Variants in AUTS2 observed in about 807,000 individuals in gnomAD.
AUTS2 encodes autism susceptibility gene 2 protein.
Under a neutral mutation model 112.4 loss-of-function variants are expected in AUTS2, and 17 were observed. The ratio of observed to expected loss-of-function variants is 0.15; its 90% CI spans 0.10 to 0.23. The LOEUF is 0.23. AUTS2 is among the 10% of genes least tolerant of loss of function. The pLI is 1.00. For missense variants in AUTS2, 1,510 were observed against 1,701.6 expected (o/e 0.89, Z 1.98); for synonymous variants, 751 against 702.7 (o/e 1.07, Z -1.09).
intron 5 of AUTS2, among the ~76,000 whole-genome samples, chr7:70,451,847 A>G (rs1796547919): frequency 6.6e-6 from 1 of 152,118 alleles, no homozygotes; most frequent in Non-Finnish European, 1.5e-5. Context: ...CTGAGATCCT[A>G]TTGCTTTCCT....
intron 1 of AUTS2, among the ~76,000 whole-genome samples, chr7:69,750,472 T>TTAGTAGTAG (rs146638908): frequency 1.8e-4 from 27 of 148,032 alleles, no homozygotes; most frequent in African/African-American, 6.4e-4. Context: ...AAATACTATG[T>TTAGTAGTAG]TAGTAGTAGT....
intron 5 of AUTS2, among the ~76,000 whole-genome samples, chr7:70,678,573 C>G (rs1004790466): frequency 2.0e-5 from 3 of 152,210 alleles, no homozygotes; most frequent in African/African-American, 7.2e-5. Context: ...CTTTGAGAGA[C>G]AGGTACAGTA....
chr7:70,752,955 G>A (rs551282539), intron 6 of AUTS2, among the ~76,000 whole-genome samples: 3 of 152,280 alleles, frequency 2.0e-5, no homozygotes, highest in East Asian at 3.9e-4. Flanking sequence ...AGTCAAGATT[G>A]TGGTTGATAC....
At chr7:70,222,218 AAGAC>A (rs1362179033) in intron 4 of AUTS2, among the ~76,000 whole-genome samples, 9 of 152,220 alleles carry the variant, frequency 5.9e-5, no homozygotes, top group Non-Finnish European at 1.3e-4. Context: ...AGAGGAAACT[AAGAC>A]AGCGAATAAA....
intron 6 of AUTS2, among the ~76,000 whole-genome samples, chr7:70,716,261 C>A (rs1254945727): frequency 6.6e-6 from 1 of 152,190 alleles, no homozygotes; most frequent in Admixed American, 6.5e-5. Context: ...TTCTTGCCAT[C>A]TCCTGTTCTT....
chr7:69,884,349 C>T (rs974776094), intron 1 of AUTS2, among the ~76,000 whole-genome samples: 1 of 152,204 alleles, frequency 6.6e-6, no homozygotes, highest in Non-Finnish European at 1.5e-5. Context: ...CAGTCATTTT[C>T]TCAAATCAGA....
rs537295107 is a variant in AUTS2 at position 70,527,596 on chromosome 7, C to G, written c.690+91815C>G. ...AAAGAAATAAATTTCTCACTTGTCT[C>G]TACCCTATGCTACCTTTTCCTTTGT... On this transcript the variant is annotated intron_variant, in intron 5 of 18. Coordinates refer to ENST00000342771, the MANE Select transcript of AUTS2 (RefSeq NM_015570.4). Among the ~76,000 whole-genome samples, 5 of 152,166 alleles carry G rather than the reference C, an allele frequency of 3.3e-5. No homozygotes were observed. In the East Asian group the frequency reaches 7.8e-4, roughly 24 times the overall value.
intron 6 of AUTS2, among the ~76,000 whole-genome samples, chr7:70,703,949 C>T (rs1300051289): frequency 6.6e-6 from 1 of 152,192 alleles, no homozygotes; most frequent in Non-Finnish European, 1.5e-5. Flanking sequence ...TTCAGTCCCT[C>T]CTCCTACTCC....
chr7:69,732,603 C>T (rs1357732083), intron 1 of AUTS2, among the ~76,000 whole-genome samples: 1 of 151,986 alleles, frequency 6.6e-6, no homozygotes, highest in Non-Finnish European at 1.5e-5. Flanking sequence ...AATGATAGTG[C>T]AAAGTGTTGG....
intron 2 of AUTS2, among the ~76,000 whole-genome samples, chr7:70,102,311 G>A (rs1309200850): frequency 6.6e-6 from 1 of 151,386 alleles, no homozygotes; most frequent in African/African-American, 2.4e-5. Context: ...GTAGAGACGG[G>A]GTTTCACCGT....
chr7:69,637,787 C>T (rs1020556557), intron 1 of AUTS2, among the ~76,000 whole-genome samples: 24 of 152,158 alleles, frequency 1.6e-4, no homozygotes, highest in Admixed American at 9.2e-4. Flanking sequence ...TGAACTGTGG[C>T]ATCTTGTATC....
At chr7:70,367,577 A>AAT (rs1792639978) in intron 4 of AUTS2, among the ~76,000 whole-genome samples, 6 of 150,350 alleles carry the variant, frequency 4.0e-5, no homozygotes, top group East Asian at 3.9e-4. Flanking sequence ...AAATTGTAAA[A>AAT]AATAATAATA....
intron 4 of AUTS2, among the ~76,000 whole-genome samples, chr7:70,174,355 G>A (rs1019597663): frequency 6.6e-6 from 1 of 152,202 alleles, no homozygotes; most frequent in Admixed American, 6.5e-5. Context: ...GGTTTAAGAG[G>A]TTTAAGGAAA....
At chr7:70,065,295 C>T (rs746807284) in intron 2 of AUTS2, among the ~76,000 whole-genome samples, 2 of 152,070 alleles carry the variant, frequency 1.3e-5, no homozygotes, top group East Asian at 3.8e-4. Context: ...ATTACAGTAA[C>T]ATGAAAGAAA....
chr7:69,708,057 G>A (rs1798145609), intron 1 of AUTS2, among the ~76,000 whole-genome samples: 1 of 152,130 alleles, frequency 6.6e-6, no homozygotes, highest in Non-Finnish European at 1.5e-5. Flanking sequence ...GGTTCCAGAA[G>A]GGGCTCAGAG....
At chr7:69,841,341 G>A (rs1263244292) in intron 1 of AUTS2, among the ~76,000 whole-genome samples, 1 of 152,160 alleles carries the variant, frequency 6.6e-6, no homozygotes. Context: ...GCAGGAGCAA[G>A]CAAGAGAGAG....
At chr7:69,824,243 C>T (rs1791137312) in intron 1 of AUTS2, among the ~76,000 whole-genome samples, 1 of 151,986 alleles carries the variant, frequency 6.6e-6, no homozygotes, top group Non-Finnish European at 1.5e-5. Flanking sequence ...GAAACCCCAT[C>T]TCTACTAAAA....
At chr7:70,653,939 T>C (rs962976397) in intron 5 of AUTS2, among the ~76,000 whole-genome samples, 7 of 152,214 alleles carry the variant, frequency 4.6e-5, no homozygotes, top group African/African-American at 1.7e-4. Context: ...TTCAGTAATA[T>C]TCTTTAATGA....
rs564638309 is a variant in AUTS2, at chr7:70,628,163, C to T, written c.691-70406C>T. Among the ~76,000 whole-genome samples the T allele has an allele frequency of 1.2e-4, 18 of 152,222 alleles. 1 individual carries two copies. In the South Asian group the frequency reaches 2.3e-3, roughly 19 times the overall value. Reference sequence around the variant, plus strand: ...AAGCCATGCGGGCAATGTTGAGAGACAGCCCAAAGAGGTAAGCAGAGGCCA... The same window carrying T: ...AAGCCATGCGGGCAATGTTGAGAGATAGCCCAAAGAGGTAAGCAGAGGCCA... On this transcript the variant is annotated intron_variant, in intron 5 of 18. Coordinates refer to ENST00000342771, the MANE Select transcript of AUTS2 (RefSeq NM_015570.4).
Sources: gnomAD v4.1 joint callset for allele counts (sites outside exome capture counted in the v4.1 genomes callset) on GRCh38, gnomAD v4.1.1 for gene constraint, MANE v1.5 for transcripts, NCBI Gene and HGNC (gene_info 2026-07-23, HGNC 2026-07-21) for gene names.